The following TEX11 variants were observed in gnomAD, a reference collection of about 807,000 sequenced individuals.
TEX11 encodes the protein testis-expressed protein 11.
A neutral mutation model predicts 84.4 loss-of-function variants in TEX11; 7 were observed. That is an observed-to-expected ratio of 0.08 (90% CI 0.05 to 0.16). The LOEUF is 0.16. TEX11 is among the 10% of genes least tolerant of loss of function. The pLI is 1.00. For missense variants in TEX11, 551 were observed against 660.5 expected, an observed-to-expected ratio of 0.83 and a Z score of 1.82; for synonymous variants, 264 against 222.8, an observed-to-expected ratio of 1.18 and a Z score of -1.64.
chrX:70,728,543 C>T (rs191911819), intron 11 of TEX11, among the ~76,000 whole-genome samples: 185 of 111,249 alleles, frequency 1.7e-3, no homozygotes, highest in African/African-American at 4.3e-3. Context: ...GAGGGTCCTA[C>T]GCCCACAGAG....
chrX:70,547,051 A>G (rs955638631), intron 28 of TEX11, among the ~76,000 whole-genome samples: 4 of 106,559 alleles, frequency 3.8e-5, no homozygotes, highest in Admixed American at 1.0e-4. Context: ...AAAAAAAAAA[A>G]AGGAATGGAA....
At chrX:70,706,022 G>A (rs949766092) in intron 13 of TEX11, among the ~76,000 whole-genome samples, 61 of 110,779 alleles carry the variant, frequency 5.5e-4, no homozygotes, top group Admixed American at 4.0e-3. Flanking sequence ...TGTTTATTGC[G>A]GCACTATTCA....
At position 70,559,169 on chromosome X, in the gene TEX11, T is replaced by C. The variant is rs868630390; in HGVS notation, c.2141-4369A>G. Among the ~76,000 whole-genome samples the C allele has an allele frequency of 3.6e-5, 4 of 112,232 alleles. No homozygotes were observed. In the South Asian group the frequency reaches 1.1e-3, roughly 31 times the overall value. ...AGCTAAAAGATAGAAATGATCCAAA[T>C]GTCCATCAACTGATGAATGGATGAA... On this transcript the variant is annotated intron_variant, in intron 25 of 29. Transcript: ENST00000374333.
rs1427713770 is a variant in TEX11 at position 70,726,400 on chromosome X, C to A, written c.844-1057G>T. On this transcript the variant is annotated intron_variant, in intron 11 of 29. Transcript: ENST00000374333. ...CGTATATTGTCCATCCTTATTGTCT[C>A]TTAAAACTACACTTCCAGAAGTCAT... 9.8e-5 allele frequency among the ~76,000 whole-genome samples: 11 copies of A among 112,049 alleles called. No homozygotes were observed. In the East Asian group the frequency reaches 3.1e-3, roughly 32 times the overall value.
intron 16 of TEX11, among the ~76,000 whole-genome samples, chrX:70,655,605 AG>A (rs2089857301): frequency 9.0e-6 from 1 of 111,665 alleles, no homozygotes; most frequent in Admixed American, 9.6e-5. Flanking sequence ...TAAAAACTGC[AG>A]AAAACACATT....
At chrX:70,768,276 C>A (rs949662629) in intron 9 of TEX11, among the ~76,000 whole-genome samples, 3 of 110,093 alleles carry the variant, frequency 2.7e-5, no homozygotes, top group Non-Finnish European at 5.7e-5. Flanking sequence ...TATGTACCCA[C>A]AAAAATTAAA....
chrX:70,634,160 C>G (rs2089542704), intron 17 of TEX11, among the ~76,000 whole-genome samples: 1 of 111,027 alleles, frequency 9.0e-6, no homozygotes, highest in Admixed American at 9.6e-5. Flanking sequence ...ATAAATCTGA[C>G]AAAAGATGCA....
chrX:70,703,242 G>C (rs1477069673), intron 13 of TEX11, among the ~76,000 whole-genome samples: 1 of 111,482 alleles, frequency 9.0e-6, no homozygotes, highest in Non-Finnish European at 1.9e-5. Context: ...TTAATAATTA[G>C]TGAATACCTA....
intron 9 of TEX11, among the ~76,000 whole-genome samples, chrX:70,791,070 C>T (rs1233403550): frequency 9.0e-6 from 1 of 111,279 alleles, no homozygotes; most frequent in Non-Finnish European, 1.9e-5. Context: ...GAGTTCATGT[C>T]CTTTGTAGGG....
intron 25 of TEX11, among the ~76,000 whole-genome samples, chrX:70,567,041 T>C (rs1314906616): frequency 9.0e-6 from 1 of 111,541 alleles, no homozygotes; most frequent in Non-Finnish European, 1.9e-5. Flanking sequence ...TCCTGGGCTC[T>C]TTTTGGTTGG....
chrX:70,641,532 A>C (rs1325351317), intron 17 of TEX11, among the ~76,000 whole-genome samples: 1 of 111,493 alleles, frequency 9.0e-6, no homozygotes, highest in Non-Finnish European at 1.9e-5. Context: ...AGCTCTCCTC[A>C]GCAAATGTAA....
intron 4 of TEX11, among the ~76,000 whole-genome samples, chrX:70,863,855 A>G (rs917902504): frequency 7.2e-5 from 8 of 111,846 alleles, no homozygotes; most frequent in African/African-American, 2.6e-4. Context: ...ACTGCTAACT[A>G]GAATAACCAG....
intron 13 of TEX11, among the ~76,000 whole-genome samples, chrX:70,721,092 T>A (rs2090555728): frequency 1.8e-5 from 2 of 111,631 alleles, no homozygotes; most frequent in African/African-American, 6.5e-5. Context: ...TTAATCAAAT[T>A]ACGTTAGAGG....
At chrX:70,719,937 T>C (rs2090542332) in intron 13 of TEX11, among the ~76,000 whole-genome samples, 1 of 111,398 alleles carries the variant, frequency 9.0e-6, no homozygotes, top group Non-Finnish European at 1.9e-5. Flanking sequence ...GTAAACTAGT[T>C]CAACCATTGT....
At chrX:70,661,235 G>A (rs1271198793) in intron 16 of TEX11, among the ~76,000 whole-genome samples, 1 of 112,356 alleles carries the variant, frequency 8.9e-6, no homozygotes, top group Non-Finnish European at 1.9e-5. Context: ...TGTATCCCAC[G>A]CCTGGCTCAG....
intron 11 of TEX11, among the ~76,000 whole-genome samples, chrX:70,733,868 G>T (rs749544938): frequency 9.0e-6 from 1 of 111,228 alleles, no homozygotes; most frequent in Non-Finnish European, 1.9e-5. Context: ...TGTTTATTGC[G>T]GCACTATTCA....
At chrX:70,614,692 T>G (rs911519163) in intron 20 of TEX11, among the ~76,000 whole-genome samples, 3 of 111,485 alleles carry the variant, frequency 2.7e-5, no homozygotes, top group Admixed American at 9.5e-5. Context: ...GTGCTTACAG[T>G]GGGCCTTGGG....
chrX:70,589,856 T>G (rs2088904998), intron 25 of TEX11, among the ~76,000 whole-genome samples: 1 of 112,449 alleles, frequency 8.9e-6, no homozygotes, highest in Non-Finnish European at 1.9e-5. Context: ...GAATTTGCTC[T>G]GAGCACTGCT....
At chrX:70,738,130 G>A (rs1344249757) in intron 11 of TEX11, among the ~76,000 whole-genome samples, 1 of 111,653 alleles carries the variant, frequency 9.0e-6, no homozygotes, top group Non-Finnish European at 1.9e-5. Context: ...AGCTTCTGCA[G>A]GGCAAAAGAA....
Sources: gnomAD v4.1 joint callset for allele counts (sites outside exome capture counted in the v4.1 genomes callset) on GRCh38, gnomAD v4.1.1 for gene constraint, MANE v1.5 for transcripts, NCBI Gene and HGNC (gene_info 2026-07-23, HGNC 2026-07-21) for gene names.